Variants in ENO4 observed in about 807,000 individuals in gnomAD.
ENO4 encodes 2-phospho-D-glycerate hydro-lyase.
A neutral mutation model predicts 63.2 loss-of-function variants in ENO4; 53 were observed. That is an observed-to-expected ratio of 0.84 (90% CI 0.67 to 1.05). The LOEUF (loss-of-function observed/expected upper bound fraction) is 1.05, where lower values mean the gene tolerates loss of function less well. Ranked by LOEUF, ENO4 falls within the 50% of genes least tolerant of loss-of-function variation. The pLI is 0.00. For missense variants in ENO4, 719 were observed against 772.0 expected (o/e 0.93, Z 0.81); for synonymous variants, 266 against 283.8 (o/e 0.94, Z 0.63).
At chr10:116,880,773 G>A (rs961530708) in intron 13 of ENO4, among the ~76,000 whole-genome samples, 2 of 152,146 alleles carry the variant, frequency 1.3e-5, no homozygotes, top group African/African-American at 4.8e-5. Flanking sequence ...TTTCAAATAG[G>A]TAAAATTATA....
At chr10:116,893,122 C>T (rs1160991068) in intron 10 of ENO4, among the ~76,000 whole-genome samples, 1 of 152,108 alleles carries the variant, frequency 6.6e-6, no homozygotes, top group Non-Finnish European at 1.5e-5. Context: ...ACATCCTCAA[C>T]AATTAATCTG....
intron 9 of ENO4, among the ~76,000 whole-genome samples, chr10:116,871,784 G>A (rs1434858891): frequency 6.6e-6 from 1 of 152,216 alleles, no homozygotes; most frequent in African/African-American, 2.4e-5. Flanking sequence ...ACACATCACA[G>A]TGTTATCCAC....
intron 8 of ENO4, 95 bp downstream of exon 8, chr10:116,868,801 C>T (rs1187018376): frequency 8.7e-7 from 1 of 1,150,998 alleles, no homozygotes; most frequent in Non-Finnish European, 1.3e-6. Context: ...TGCTCCAAGA[C>T]CAGGACTGAG....
intron 1 of ENO4, among the ~76,000 whole-genome samples, chr10:116,853,217 C>G (rs1002814560): frequency 4.0e-5 from 6 of 151,258 alleles, no homozygotes; most frequent in African/African-American, 1.5e-4. Context: ...ATGGCGTGAA[C>G]CCGGGAGGCG....
intron 11 of ENO4, among the ~76,000 whole-genome samples, chr10:116,878,738 A>G (rs150238349): frequency 1.2e-4 from 10 of 86,480 alleles, no homozygotes; most frequent in African/African-American, 2.9e-4. Context: ...TACAAATCAT[A>G]TATCTTTTTT....
chr10:116,854,559 T>TA (rs61238867), intron 1 of ENO4, among the ~76,000 whole-genome samples: 1,836 of 132,432 alleles, frequency 0.014, 17 homozygotes, highest in Middle Eastern at 0.049. Flanking sequence ...GACTCTGTCT[T>TA]AAAAAAAAAA....
chr10:116,906,375 T>G (rs1357328735), intron 10 of ENO4, among the ~76,000 whole-genome samples: 1 of 152,218 alleles, frequency 6.6e-6, no homozygotes, highest in Non-Finnish European at 1.5e-5. Flanking sequence ...CACAAGGGCA[T>G]CTTGCATTAA....
rs769068676 is a variant in ENO4, at chr10:116,859,085, TACC to T, written c.594_596del (p.Pro203del). ...ACAGTGCCTACACCTCTACCTCCAGTACCACCACCACCACCCCCTCCACCTCCT... is the reference window on the plus strand; with the variant it reads ...ACAGTGCCTACACCTCTACCTCCAGTACCACCACCACCCCCTCCACCTCCT... On this transcript the variant is annotated inframe_deletion, in exon 4 of 14. Coordinates refer to ENST00000341276, the MANE Select transcript of ENO4 (RefSeq NM_001242699.2). The T allele has an allele frequency of 8.6e-5, 132 of 1,530,064 alleles. No homozygotes were observed. The highest frequency in any genetic ancestry group is 1.8e-4 in the South Asian group (15 of 83,384). The allele number at this position is 1,530,064 out of a possible 1,614,324, so 94.8% of individuals were successfully genotyped here. A position where few individuals can be genotyped will look rare whatever the true frequency, so the allele number is the denominator to read the frequency against.
At chr10:116,889,281 T>C (rs1847260254) in intron 10 of ENO4, among the ~76,000 whole-genome samples, 1 of 152,174 alleles carries the variant, frequency 6.6e-6, no homozygotes, top group African/African-American at 2.4e-5. Flanking sequence ...CTCATAAACC[T>C]AGTATTGTCA....
chr10:116,911,395 A>C, intron 10 of ENO4: 1 of 1,446,914 alleles, frequency 6.9e-7, no homozygotes, highest in South Asian at 1.4e-5. Context: ...GGAGGAATTT[A>C]GCTTCACATT....
At position 116,866,859 on chromosome 10, in the gene ENO4, A is replaced by G. The variant is rs1268922369; in HGVS notation, c.991-1791A>G. Among the ~76,000 whole-genome samples the G allele has an allele frequency of 5.3e-5, 8 of 152,128 alleles. No homozygotes were observed. In the South Asian group the frequency reaches 8.3e-4, roughly 16 times the overall value. On this transcript the variant is annotated intron_variant, in intron 7 of 13. Transcript: ENST00000341276. ...AGGAACGCTGAATTGCTGGGCTCCT[A>G]ATAAAGGACACCTATTGATAGCCTA...
chr10:116,906,042 T>C (rs1222368515), intron 10 of ENO4, among the ~76,000 whole-genome samples: 2 of 152,250 alleles, frequency 1.3e-5, no homozygotes, highest in African/African-American at 2.4e-5. Flanking sequence ...AGTTAATGGA[T>C]ACAAAGAGTA....
chr10:116,899,031 C>G (rs61545069), intron 10 of ENO4, among the ~76,000 whole-genome samples: 40 of 151,990 alleles, frequency 2.6e-4, no homozygotes, highest in African/African-American at 9.2e-4. Flanking sequence ...GAAGATCTTA[C>G]GCAGATCATA....
At chr10:116,860,751 G>A (rs1038439841) in intron 4 of ENO4, 43 bp from the exon 5 acceptor site, 8 of 1,262,464 alleles carry the variant, frequency 6.3e-6, no homozygotes, top group Non-Finnish European at 8.2e-6. Flanking sequence ...TGTAAGTAAA[G>A]CATTTAGAAA....
At chr10:116,911,528 A>G (rs778012438) in exon 11 of ENO4, 73 of 1,550,476 alleles carry the variant, frequency 4.7e-5, no homozygotes, top group Non-Finnish European at 6.4e-5. Flanking sequence ...TGATGCCAGG[A>G]TTGGAGGGCA....
At chr10:116,895,941 TAAC>T (rs1287474207) in intron 10 of ENO4, among the ~76,000 whole-genome samples, 6 of 152,092 alleles carry the variant, frequency 3.9e-5, no homozygotes, top group South Asian at 2.1e-4. Flanking sequence ...TGAAATACAG[TAAC>T]AACAACACAG....
rs1846926238 is a variant in ENO4, at chr10:116,879,180, A to C, written c.1538-111A>C. The stretch of plus-strand genomic sequence containing the variant: ...AGAATCCTAGGTAGGCAAATAATTG[A>C]CTCTTCACAGGGAAGTTTTAAATCT... On this transcript the variant is annotated intron_variant, in intron 11 of 13. Coordinates refer to ENST00000341276, the MANE Select transcript of ENO4 (RefSeq NM_001242699.2). The C allele has an allele frequency of 5.8e-6, 4 of 687,484 alleles. No homozygotes were observed. The South Asian group carries it at 6.5e-5, about 11-fold the overall frequency. 42.6% of individuals were successfully genotyped at this position (687,484 alleles called of 1,614,324 possible). A position where few individuals can be genotyped will look rare whatever the true frequency, so the allele number is the denominator to read the frequency against.
At chr10:116,875,895 T>C (rs1228252865) in intron 10 of ENO4, among the ~76,000 whole-genome samples, 170 bp from the exon 11 acceptor site, 1 of 152,178 alleles carries the variant, frequency 6.6e-6, no homozygotes, top group Non-Finnish European at 1.5e-5. Context: ...TCCCAAAGCT[T>C]CTTAGTTTGT....
chr10:116,880,267 T>A (rs1846967650), intron 13 of ENO4, among the ~76,000 whole-genome samples: 1 of 152,234 alleles, frequency 6.6e-6, no homozygotes, highest in African/African-American at 2.4e-5. Context: ...GCCTACCTTT[T>A]GTTATGGTCC....
Sources: allele counts gnomAD v4.1 joint callset (sites outside exome capture counted in the v4.1 genomes callset), GRCh38; gene constraint gnomAD v4.1.1; transcripts MANE v1.5; gene names NCBI Gene and HGNC (gene_info 2026-07-23, HGNC 2026-07-21).